NRG3: variants seen among roughly 807,000 people sequenced by gnomAD.
NRG3 encodes the protein neuregulin 3, also known as pro-neuregulin-3, membrane-bound isoform.
A neutral mutation model predicts 66.9 loss-of-function variants in NRG3; 31 were observed. The observed-to-expected ratio is 0.46, with a 90% CI of 0.35 to 0.63. The LOEUF (loss-of-function observed/expected upper bound fraction) is 0.63, where lower values mean the gene tolerates loss of function less well. NRG3 is among the 20% of genes least tolerant of loss of function. The probability of loss-of-function intolerance (pLI) is 0.00; values close to 1 mark genes in which losing one functional copy is unlikely to be tolerated. For synonymous variants in NRG3, 393 were observed against 359.4 expected, an observed-to-expected ratio of 1.09 and a Z score of -1.06; for missense variants, 910 against 878.9, an observed-to-expected ratio of 1.04 and a Z score of -0.45.
intron 4 of NRG3, among the ~76,000 whole-genome samples, chr10:82,893,902 G>C: frequency 6.6e-6 from 1 of 151,944 alleles, no homozygotes; most frequent in East Asian, 1.9e-4. Context: ...AGAATAGAAG[G>C]AAAAAATGAA....
intron 2 of NRG3, among the ~76,000 whole-genome samples, chr10:82,582,601 A>G (rs940899462): frequency 3.3e-5 from 5 of 152,018 alleles, no homozygotes; most frequent in African/African-American, 1.2e-4. Flanking sequence ...ATTACAACAT[A>G]TATCTGCATC....
At chr10:82,826,511 A>G (rs929664696) in intron 3 of NRG3, among the ~76,000 whole-genome samples, 1 of 152,250 alleles carries the variant, frequency 6.6e-6, no homozygotes, top group African/African-American at 2.4e-5. Context: ...TAATCAACTT[A>G]GATGCTCATC....
chr10:82,968,641 A>AAGGG, intron 6 of NRG3, among the ~76,000 whole-genome samples: 1 of 149,272 alleles, frequency 6.7e-6, no homozygotes, highest in African/African-American at 2.4e-5. Context: ...TTTGACAAGG[A>AAGGG]AGGAAGGGAG....
intron 3 of NRG3, among the ~76,000 whole-genome samples, chr10:82,856,815 G>C (rs1315416111): frequency 6.7e-6 from 1 of 148,802 alleles, no homozygotes; most frequent in Admixed American, 6.7e-5. Context: ...GTGACAAAAT[G>C]CAAGAATTTT....
chr10:82,669,491 A>G (rs990348195), intron 2 of NRG3, among the ~76,000 whole-genome samples: 2 of 152,092 alleles, frequency 1.3e-5, no homozygotes, highest in Non-Finnish European at 2.9e-5. Context: ...CTTTACTTCA[A>G]AATTCCAAAG....
chr10:82,179,232 G>A (rs750924805), intron 1 of NRG3, among the ~76,000 whole-genome samples: 2 of 151,864 alleles, frequency 1.3e-5, no homozygotes, highest in Non-Finnish European at 2.9e-5. Context: ...CTTTTGCTGT[G>A]CAGAAGCTTT....
chr10:82,836,201 A>T (rs2062765689), intron 3 of NRG3, among the ~76,000 whole-genome samples: 1 of 152,160 alleles, frequency 6.6e-6, no homozygotes, highest in Non-Finnish European at 1.5e-5. Flanking sequence ...AGAGTTGAAC[A>T]GTTGCAATAG....
intron 3 of NRG3, among the ~76,000 whole-genome samples, chr10:82,815,637 G>A (rs543690090): frequency 6.6e-6 from 1 of 152,100 alleles, no homozygotes; most frequent in East Asian, 1.9e-4. Context: ...TATATGTCAT[G>A]GGATCCTCCA....
At chr10:82,101,486 T>A (rs907679966) in intron 1 of NRG3, among the ~76,000 whole-genome samples, 1 of 151,894 alleles carries the variant, frequency 6.6e-6, no homozygotes, top group South Asian at 2.1e-4. Flanking sequence ...GTAAATTTTC[T>A]GCAAATATTA....
intron 2 of NRG3, among the ~76,000 whole-genome samples, chr10:82,613,397 CTG>C (rs2048431521): frequency 6.6e-6 from 1 of 151,234 alleles, no homozygotes; most frequent in East Asian, 1.9e-4. Context: ...GGAAGGGTCA[CTG>C]TTTTATTCTC....
chr10:82,378,869 C>A (rs928800071), intron 2 of NRG3, among the ~76,000 whole-genome samples: 4 of 152,156 alleles, frequency 2.6e-5, no homozygotes, highest in Non-Finnish European at 4.4e-5. Flanking sequence ...CCGCGCCTGG[C>A]TGCTGATGGA....
chr10:82,252,038 A>G (rs1228863993), intron 1 of NRG3, among the ~76,000 whole-genome samples: 1 of 152,158 alleles, frequency 6.6e-6, no homozygotes, highest in Non-Finnish European at 1.5e-5. Flanking sequence ...GGTGCTGTGG[A>G]CAGAGAAGCA....
At chr10:81,932,979 G>T (rs1220669187) in intron 1 of NRG3, among the ~76,000 whole-genome samples, 5 of 151,726 alleles carry the variant, frequency 3.3e-5, no homozygotes, top group South Asian at 2.1e-4. Context: ...CGTGATGGTG[G>T]GCACCTGTAA....
In NRG3 at chr10:82,007,919, TTTCTTTTTCA is replaced by T. The variant is rs1490225251; in HGVS notation, c.823+131766_823+131775del. 4.0e-5 allele frequency among the ~76,000 whole-genome samples: 6 copies of T among 151,416 alleles called. No individual in the cohort carries two copies. In the South Asian group the frequency reaches 1.0e-3, roughly 26 times the overall value. On this transcript the variant is annotated intron_variant, in intron 1 of 8. Transcript: ENST00000372141. ...AGTGCATTAAAAAAATTAAATTGAC[TTTCTTTTTCA>T]TTCTTTTTCTCTACCTCTCTCAGAA... is the stretch of plus-strand genomic sequence containing the variant.
intron 2 of NRG3, among the ~76,000 whole-genome samples, chr10:82,627,002 T>TA (rs1395320471): frequency 7.1e-6 from 1 of 140,398 alleles, no homozygotes; most frequent in African/African-American, 2.7e-5. Flanking sequence ...GCTATTTAGC[T>TA]ATTTTTTTTT....
intron 1 of NRG3, among the ~76,000 whole-genome samples, chr10:82,210,059 T>G (rs2075320897): frequency 6.6e-6 from 1 of 152,140 alleles, no homozygotes; most frequent in African/African-American, 2.4e-5. Context: ...TCAAGAATAC[T>G]CTCCTGAGAA....
At chr10:82,591,036 G>A (rs1249247366) in intron 2 of NRG3, among the ~76,000 whole-genome samples, 2 of 152,282 alleles carry the variant, frequency 1.3e-5, no homozygotes, top group Admixed American at 6.5e-5. Context: ...ATGGGTTAAG[G>A]CAAGAGTCCT....
chr10:82,979,167 C>T, intron 8 of NRG3, 47 bp downstream of exon 8: 15 of 1,576,474 alleles, frequency 9.5e-6, no homozygotes, highest in Non-Finnish European at 1.3e-5. Context: ...GTCTTTAATG[C>T]CATAGCTTTA....
chr10:82,272,256 G>A (rs1231816398), intron 1 of NRG3, among the ~76,000 whole-genome samples: 1 of 152,030 alleles, frequency 6.6e-6, no homozygotes, highest in African/African-American at 2.4e-5. Context: ...CCTCTAAGCA[G>A]CGAGAAAAGC....
Sources: allele counts gnomAD v4.1 joint callset (sites outside exome capture counted in the v4.1 genomes callset), GRCh38; gene constraint gnomAD v4.1.1; transcripts MANE v1.5; gene names NCBI Gene and HGNC (gene_info 2026-07-23, HGNC 2026-07-21).